Variants in PPFIA2 observed in about 807,000 individuals in gnomAD.
The protein encoded by PPFIA2 is PPFI scaffold protein A2.
In PPFIA2, 46 loss-of-function variants were observed where a neutral mutation model predicts 175.5. The observed-to-expected ratio is 0.26, with a 90% CI of 0.21 to 0.34. PPFIA2 has a LOEUF of 0.34. Among genes scored for constraint, PPFIA2 ranks in the 10% least tolerant of loss-of-function variants. The probability of loss-of-function intolerance (pLI) is 1.00; values close to 1 mark genes in which losing one functional copy is unlikely to be tolerated. For synonymous variants in PPFIA2, 568 were observed against 511.4 expected, an observed-to-expected ratio of 1.11 and a Z score of -1.49; for missense variants, 1,179 against 1,506.1, an observed-to-expected ratio of 0.78 and a Z score of 3.60.
At chr12:81,582,373 G>A (rs1318971631) in intron 4 of PPFIA2, among the ~76,000 whole-genome samples, 1 of 151,684 alleles carries the variant, frequency 6.6e-6, no homozygotes, top group African/African-American at 2.4e-5. Flanking sequence ...TATATTGGCA[G>A]CATTTCATAT....
At chr12:81,584,816 C>T (rs4842398) in intron 4 of PPFIA2, among the ~76,000 whole-genome samples, 108,462 of 122,888 alleles carry the variant, frequency 0.88, 47,933 homozygotes, top group East Asian at 1. Flanking sequence ...TTATTATATA[C>T]AATAAATTTA....
In PPFIA2 at chr12:81,638,677, A is replaced by ATTT. The variant is rs1287049321; in HGVS notation, c.303+38111_303+38113dup. 8.8e-4 allele frequency among the ~76,000 whole-genome samples: 86 copies of ATTT among 97,666 alleles called. 1 individual carries two copies. The highest frequency in any genetic ancestry group is 2.2e-3 in the African/African-American group (44 of 19,958). The allele number at this position is 97,666 out of a possible 152,430, so 64.1% of individuals were successfully genotyped here. A position where few individuals can be genotyped will look rare whatever the true frequency, so the allele number is the denominator to read the frequency against. On this transcript the variant is annotated intron_variant, in intron 4 of 32. Coordinates refer to ENST00000549396, the MANE Select transcript of PPFIA2 (RefSeq NM_003625.5). Reference sequence around the variant, plus strand: ...TTCAGATTTTCTTGTTTTGTCATAAATTTTCTTTTTTTTTTTTTTTTTTTT... The same window carrying ATTT: ...TTCAGATTTTCTTGTTTTGTCATAAATTTTTTTCTTTTTTTTTTTTTTTTTTTT...
chr12:81,512,226 C>A, intron 4 of PPFIA2: 1 of 925,250 alleles, frequency 1.1e-6, no homozygotes, highest in Non-Finnish European at 1.5e-6. Context: ...AGTCCCTTAA[C>A]GGCTCCCTAA....
At chr12:81,571,091 T>C (rs978227808) in intron 4 of PPFIA2, among the ~76,000 whole-genome samples, 1 of 152,156 alleles carries the variant, frequency 6.6e-6, no homozygotes, top group Non-Finnish European at 1.5e-5. Flanking sequence ...TACTGTGCTA[T>C]GATTACATGA....
chr12:81,463,206 T>C (rs545872230), intron 4 of PPFIA2, among the ~76,000 whole-genome samples: 2 of 152,090 alleles, frequency 1.3e-5, no homozygotes, highest in Non-Finnish European at 2.9e-5. Flanking sequence ...TTCAAAAATA[T>C]AATTTTGAGT....
At chr12:81,440,779 A>C (rs914888590) in intron 6 of PPFIA2, among the ~76,000 whole-genome samples, 1 of 150,410 alleles carries the variant, frequency 6.6e-6, no homozygotes, top group Non-Finnish European at 1.5e-5. Flanking sequence ...ACTTTGTTTT[A>C]GTTGTTTTAT....
chr12:81,294,487 AAAGAAG>A, intron 24 of PPFIA2: 1 of 186,800 alleles, frequency 5.4e-6, no homozygotes, highest in African/African-American at 2.7e-5. Flanking sequence ...GGAAGGAAGG[AAAGAAG>A]GAAGGAAGGG....
intron 4 of PPFIA2, among the ~76,000 whole-genome samples, chr12:81,609,113 C>A (rs1027305591): frequency 6.6e-6 from 1 of 151,422 alleles, no homozygotes; most frequent in African/African-American, 2.4e-5. Flanking sequence ...CTATCAATTT[C>A]TATTTTTATT....
At chr12:81,726,452 C>T (rs897021428) in intron 3 of PPFIA2, among the ~76,000 whole-genome samples, 6 of 151,220 alleles carry the variant, frequency 4.0e-5, no homozygotes, top group Admixed American at 2.7e-4. Context: ...TTTTCTCCTA[C>T]TCCTCTTCTT....
At chr12:81,558,624 G>A (rs2069316814) in intron 4 of PPFIA2, among the ~76,000 whole-genome samples, 1 of 152,130 alleles carries the variant, frequency 6.6e-6, no homozygotes, top group African/African-American at 2.4e-5. Context: ...CAGGACAGCA[G>A]AAGGAGTTAA....
chr12:81,428,021 T>C (rs1020902080), intron 7 of PPFIA2, among the ~76,000 whole-genome samples: 6 of 151,940 alleles, frequency 3.9e-5, no homozygotes, highest in African/African-American at 1.4e-4. Context: ...AGTTCAATAT[T>C]TCATCTAAAT....
At chr12:81,596,521 GT>G (rs1423444844) in intron 4 of PPFIA2, among the ~76,000 whole-genome samples, 1 of 152,068 alleles carries the variant, frequency 6.6e-6, no homozygotes, top group African/African-American at 2.4e-5. Context: ...TCGTTGCAGT[GT>G]GTTTTCAAAG....
At chr12:81,404,741 G>C (rs2042636570) in intron 8 of PPFIA2, among the ~76,000 whole-genome samples, 1 of 152,004 alleles carries the variant, frequency 6.6e-6, no homozygotes, top group South Asian at 2.1e-4. Context: ...ACTTTATTTT[G>C]CTTTTCTACT....
chr12:81,521,076 T>C lies in PPFIA2; in HGVS notation c.304-63210A>G, dbSNP rs534618915. 9.9e-5 allele frequency among the ~76,000 whole-genome samples: 15 copies of C among 152,226 alleles called. No homozygotes were observed. The East Asian group carries it at 2.9e-3, about 29-fold the overall frequency. On this transcript the variant is annotated intron_variant, in intron 4 of 32. Transcript: ENST00000549396. Reference sequence around the variant, plus strand: ...TAGGGAATCATATAATTCCAAAAATTATGCCATGTTTTTACAAAAGTGAGG... The same window carrying C: ...TAGGGAATCATATAATTCCAAAAATCATGCCATGTTTTTACAAAAGTGAGG...
rs1431622294 is a variant in PPFIA2, at chr12:81,262,042, T to A, written c.3716-2A>T. ...ACCTCTGCAGTCTTGATGAAGCAAC[T>A]GCAAATGGAGAAAAGGGCTTTAGAG... On this transcript the variant is annotated splice_acceptor_variant, in intron 31 of 32. Transcript: ENST00000549396. LOFTEE classifies it high-confidence loss of function. The A allele has an allele frequency of 1.3e-6, 2 of 1,591,094 alleles. No homozygotes were observed. The highest frequency in any genetic ancestry group is 1.7e-6 in the Non-Finnish European group (2 of 1,163,490).
At chr12:81,605,314 T>C (rs1040697165) in intron 4 of PPFIA2, among the ~76,000 whole-genome samples, 1 of 151,500 alleles carries the variant, frequency 6.6e-6, no homozygotes, top group Non-Finnish European at 1.5e-5. Context: ...AAAATGGTCA[T>C]ACTGAAAGAA....
chr12:81,605,693 A>ATCTATCTATCTATCTC (rs55909659), intron 4 of PPFIA2, among the ~76,000 whole-genome samples: 68 of 145,654 alleles, frequency 4.7e-4, no homozygotes, highest in East Asian at 3.5e-3. Flanking sequence ...CTATCTATCT[A>ATCTATCTATCTATCTC]ATCTGTCTAT....
intron 22 of PPFIA2, among the ~76,000 whole-genome samples, chr12:81,308,887 C>T (rs566156793): frequency 6.6e-6 from 1 of 152,048 alleles, no homozygotes. Context: ...TTGTAATAAC[C>T]ATACAAAATA....
intron 22 of PPFIA2, among the ~76,000 whole-genome samples, chr12:81,318,507 T>C (rs114563347): frequency 1.3e-5 from 2 of 151,814 alleles, no homozygotes; most frequent in African/African-American, 4.8e-5. Flanking sequence ...CTATAAAATT[T>C]CATCTTGTCA....
Sources: allele counts gnomAD v4.1 joint callset (sites outside exome capture counted in the v4.1 genomes callset), GRCh38; gene constraint gnomAD v4.1.1; transcripts MANE v1.5; gene names NCBI Gene and HGNC (gene_info 2026-07-23, HGNC 2026-07-21).